The following ELOVL5 variants were observed in gnomAD, a reference collection of about 807,000 sequenced individuals.
ELOVL5 encodes ELOVL fatty acid elongase 5, also known as very long chain fatty acid elongase 5.
In ELOVL5, 8 loss-of-function variants were observed where a neutral mutation model predicts 38.6. The ratio of observed to expected loss-of-function variants is 0.21; its 90% CI spans 0.12 to 0.37. The LOEUF is 0.37. Among genes scored for constraint, ELOVL5 ranks in the 10% least tolerant of loss-of-function variants. ELOVL5 has a pLI of 1.00. For missense variants in ELOVL5, 280 were observed against 367.8 expected (o/e 0.76, Z 1.95); for synonymous variants, 127 against 133.7 (o/e 0.95, Z 0.34).
rs1769706360 is a variant in ELOVL5, at chr6:53,348,865, G to A, written c.-57C>T. On this transcript the variant is annotated 5_prime_UTR_variant, in exon 1 of 8. Coordinates refer to ENST00000304434, the MANE Select transcript of ELOVL5 (RefSeq NM_021814.5). ...AGCTTTGAGCAGCAGCAAGGCGGCG[G>A]CGGCGGAGGGAGCGCGGGTGGCAGC... 2.2e-6 allele frequency: 1 copy of A among 458,122 alleles called. No homozygotes were observed. The highest frequency in any genetic ancestry group is 4.4e-6 in the Non-Finnish European group (1 of 227,942). The allele number at this position is 458,122 out of a possible 1,614,324, so 28.4% of individuals were successfully genotyped here.
intron 1 of ELOVL5, among the ~76,000 whole-genome samples, chr6:53,335,932 G>A (rs1174611180): frequency 1.3e-5 from 2 of 152,108 alleles, no homozygotes; most frequent in African/African-American, 2.4e-5. Flanking sequence ...CCTGACAGAC[G>A]TATGATGAGC....
chr6:53,335,336 T>A (rs1769008126), intron 1 of ELOVL5, among the ~76,000 whole-genome samples: 1 of 152,156 alleles, frequency 6.6e-6, no homozygotes, highest in South Asian at 2.1e-4. Context: ...CAGAACCCTG[T>A]CTCCCTCTGG....
At position 53,343,182 on chromosome 6, in the gene ELOVL5, A is replaced by C. The variant is rs190185862; in HGVS notation, c.-9+5635T>G. 5.8e-3 allele frequency among the ~76,000 whole-genome samples: 872 copies of C among 150,562 alleles called. 10 individuals are homozygous for C. Among genetic ancestry groups the C allele is most frequent in the African/African-American group, 0.02 (826 of 40,444 alleles). On this transcript the variant is annotated intron_variant, in intron 1 of 7. Coordinates refer to ENST00000304434, the MANE Select transcript of ELOVL5 (RefSeq NM_021814.5). Reference sequence around the variant, plus strand: ...GCTGCAATCTCCATCAACTGTTCTGACATTTTCCCTCCCTCCCTCCCTCCT... The same window carrying C: ...GCTGCAATCTCCATCAACTGTTCTGCCATTTTCCCTCCCTCCCTCCCTCCT...
chr6:53,342,963 A>G lies in ELOVL5; in HGVS notation c.-9+5854T>C, dbSNP rs979577653. ...TCTAAAAGTGAATGCCTACAAGTCC[A>G]CTAAAAATGTTACCATGGAGCAAAC... On this transcript the variant is annotated intron_variant, in intron 1 of 7. Coordinates refer to ENST00000304434, the MANE Select transcript of ELOVL5 (RefSeq NM_021814.5). 5.3e-5 allele frequency among the ~76,000 whole-genome samples: 8 copies of G among 152,222 alleles called. No individual in the cohort carries two copies. The East Asian group carries it at 1.5e-3, about 29-fold the overall frequency.
At chr6:53,310,572 C>G (rs973734372) in intron 1 of ELOVL5, among the ~76,000 whole-genome samples, 1 of 152,108 alleles carries the variant, frequency 6.6e-6, no homozygotes, top group Non-Finnish European at 1.5e-5. Context: ...AAAACTTGTG[C>G]TCTTTACAAT....
intron 3 of ELOVL5, among the ~76,000 whole-genome samples, chr6:53,287,391 G>T (rs1766613633): frequency 6.6e-6 from 1 of 152,212 alleles, no homozygotes. Flanking sequence ...ATCAGGTATA[G>T]TAACAGTGGG....
intron 1 of ELOVL5, among the ~76,000 whole-genome samples, chr6:53,324,271 AAAAAGAAAAAAAAG>A (rs1171638311): frequency 7.0e-6 from 1 of 143,852 alleles, no homozygotes; most frequent in Non-Finnish European, 1.5e-5. Context: ...AAAAAAAAAA[AAAAAGAAAAAAAAG>A]AAAAGAAAAA....
At chr6:53,348,396 T>C (rs1769669795) in intron 1 of ELOVL5, among the ~76,000 whole-genome samples, 1 of 146,854 alleles carries the variant, frequency 6.8e-6, no homozygotes, top group Non-Finnish European at 1.5e-5. Flanking sequence ...CCGAGAGCGC[T>C]CCCCCGGCTC....
At chr6:53,303,038 C>T (rs1458156483) in intron 1 of ELOVL5, among the ~76,000 whole-genome samples, 2 of 152,106 alleles carry the variant, frequency 1.3e-5, no homozygotes, top group Admixed American at 1.3e-4. Flanking sequence ...AACTCGTTAA[C>T]GTTAGGCAGG....
In ELOVL5 at chr6:53,275,159, G is replaced by A; in HGVS notation, c.427C>T (p.His143Tyr). Residue 143 changes from histidine to tyrosine, a missense_variant, in exon 5 of 8, where the codon CAC becomes TAC. Coordinates refer to ENST00000304434, the MANE Select transcript of ELOVL5 (RefSeq NM_021814.5). ...AGCATCGAGGCATGGTGGTAGACGT[G>A]CAGGACCGTGATCTGGTGGTTGTTC... ...RKNNHQITVL[H>Y]VYHHASMLNI... 6.2e-7 allele frequency: 1 copy of A among 1,614,160 alleles called. No individual in the cohort carries two copies. Among genetic ancestry groups the A allele is most frequent in the South Asian group, 1.1e-5 (1 of 91,080 alleles).
chr6:53,320,511 A>AT (rs1581975933), intron 1 of ELOVL5, among the ~76,000 whole-genome samples: 1 of 151,708 alleles, frequency 6.6e-6, no homozygotes, highest in East Asian at 2.0e-4. Flanking sequence ...AATTTTTTGT[A>AT]TTTTTAGTAG....
intron 1 of ELOVL5, among the ~76,000 whole-genome samples, chr6:53,338,161 CT>C (rs1318399749): frequency 6.6e-6 from 1 of 152,142 alleles, no homozygotes; most frequent in Non-Finnish European, 1.5e-5. Context: ...GAGATTTGGT[CT>C]TCTGACAGTA....
At position 53,268,678 on chromosome 6, in the gene ELOVL5, T is replaced by C. The variant is rs149886496; in HGVS notation, c.*449A>G. On this transcript the variant is annotated 3_prime_UTR_variant, in exon 8 of 8. Coordinates refer to ENST00000304434, the MANE Select transcript of ELOVL5 (RefSeq NM_021814.5). ...ACTTGAAACATACCCTAATTTAAAC[T>C]AATAAGCTTTGGGCCCTGCTTTTTA... 1.8e-3 allele frequency: 277 copies of C among 153,122 alleles called. 6 individuals are homozygous for C. The East Asian group carries it at 0.019, about 11-fold the overall frequency. 9.5% of individuals were successfully genotyped at this position (153,122 alleles called of 1,614,324 possible).
At chr6:53,282,587 GTTTC>G (rs2127570780) in intron 3 of ELOVL5, among the ~76,000 whole-genome samples, 1 of 152,344 alleles carries the variant, frequency 6.6e-6, no homozygotes, top group South Asian at 2.1e-4. Flanking sequence ...CCTGAGAGAA[GTTTC>G]TTTCTCAGCA....
chr6:53,343,754 T>C (rs949171994), intron 1 of ELOVL5, among the ~76,000 whole-genome samples: 6 of 152,210 alleles, frequency 3.9e-5, no homozygotes, highest in African/African-American at 1.4e-4. Context: ...AATCATGCCT[T>C]CCAATCTTCT....
chr6:53,287,997 C>T (rs1170285578), intron 3 of ELOVL5: 36 of 1,428,022 alleles, frequency 2.5e-5, no homozygotes, highest in Non-Finnish European at 3.2e-5. Context: ...GTCTGAGGCA[C>T]AGCAGGAGAA....
At chr6:53,305,564 G>T (rs1030113791) in intron 1 of ELOVL5, among the ~76,000 whole-genome samples, 2 of 151,496 alleles carry the variant, frequency 1.3e-5, no homozygotes, top group Admixed American at 6.6e-5. Flanking sequence ...TCCCAGACGG[G>T]GTCGCGGCTG....
chr6:53,289,156 C>A (rs2294867), intron 3 of ELOVL5, among the ~76,000 whole-genome samples: 66,813 of 152,098 alleles, frequency 0.44, 15,772 homozygotes, highest in African/African-American at 0.61. Context: ...ATTTATGCCA[C>A]AGAATTAAAT....
chr6:53,348,855 C>A lies in ELOVL5; in HGVS notation c.-47G>T. 2.2e-6 allele frequency: 1 copy of A among 458,730 alleles called. No individual in the cohort carries two copies. The highest frequency in any genetic ancestry group is 7.0e-5 in the East Asian group (1 of 14,300). The allele number at this position is 458,730 out of a possible 1,614,324, so 28.4% of individuals were successfully genotyped here. Reference sequence around the variant, plus strand: ...GGGCGGCAGCAGCTTTGAGCAGCAGCAAGGCGGCGGCGGCGGAGGGAGCGC... The same window carrying A: ...GGGCGGCAGCAGCTTTGAGCAGCAGAAAGGCGGCGGCGGCGGAGGGAGCGC... On this transcript the variant is annotated 5_prime_UTR_variant, in exon 1 of 8. Coordinates refer to ENST00000304434, the MANE Select transcript of ELOVL5 (RefSeq NM_021814.5).
Sources: allele counts gnomAD v4.1 joint callset (sites outside exome capture counted in the v4.1 genomes callset), GRCh38; gene constraint gnomAD v4.1.1; transcripts MANE v1.5; gene names NCBI Gene and HGNC (gene_info 2026-07-23, HGNC 2026-07-21).